Variants in COLEC10 observed in about 807,000 individuals in gnomAD.
The protein encoded by COLEC10 is collectin subfamily member 10, also known as collectin-10.
In COLEC10, 22 loss-of-function variants were observed where a neutral mutation model predicts 28.4. The observed-to-expected ratio is 0.78, with a 90% CI of 0.55 to 1.11. COLEC10 has a LOEUF of 1.11. Ranked by LOEUF, COLEC10 falls within the 50% of genes least tolerant of loss-of-function variation. The pLI is 0.00. For missense variants in COLEC10, 361 were observed against 344.1 expected (o/e 1.05, Z -0.39); for synonymous variants, 125 against 116.1 (o/e 1.08, Z -0.49).
At chr8:118,966,637 G>A in the COLEC10 span, among the ~76,000 whole-genome samples, 2 of 151,332 alleles carry the variant, frequency 1.3e-5, no homozygotes, top group Middle Eastern at 3.4e-3. Flanking sequence ...AAAAGTTGTA[G>A]ATTAATTCCC....
In COLEC10 at chr8:118,998,294, A is replaced by G. The variant is rs62532192; in HGVS notation, n.122+2721A>G. ...AATATTTCAATTATTCCCAATGTGG[A>G]TAAACTTAAACTCTATGTATGAATT... On this transcript the variant is annotated intron_variant and non_coding_transcript_variant, in intron 1 of 6. Transcript: ENST00000521788. 8.4e-3 allele frequency among the ~76,000 whole-genome samples: 1,283 copies of G among 152,238 alleles called. 6 individuals carry two copies. Among genetic ancestry groups the G allele is most frequent in the Non-Finnish European group, 0.013 (881 of 68,028 alleles).
chr8:119,044,355 C>T (rs867467708), intron 2 of COLEC10, among the ~76,000 whole-genome samples: 5 of 152,158 alleles, frequency 3.3e-5, no homozygotes, highest in African/African-American at 1.2e-4. Context: ...GCGGGTAACA[C>T]TATGTACTTG....
At chr8:119,069,629 A>AAAAAAAATATATATATATATAT (rs1554627284) in intron 1 of COLEC10, among the ~76,000 whole-genome samples, 4 of 42,882 alleles carry the variant, frequency 9.3e-5, no homozygotes, top group Non-Finnish European at 1.3e-4. Context: ...AAAAAAAAAA[A>AAAAAAAATATATATATATATAT]ATATATATAT....
chr8:119,021,514 G>A (rs1182242086), intron 2 of COLEC10, among the ~76,000 whole-genome samples: 1 of 152,148 alleles, frequency 6.6e-6, no homozygotes, highest in Non-Finnish European at 1.5e-5. Flanking sequence ...AGCTGGTAGA[G>A]GCCAAAGGCT....
chr8:118,958,926 C>T, the COLEC10 span, among the ~76,000 whole-genome samples: 5 of 152,172 alleles, frequency 3.3e-5, no homozygotes, highest in Non-Finnish European at 7.3e-5. Flanking sequence ...CAGCTCAGAT[C>T]TCAAGGCAGC....
the COLEC10 span, among the ~76,000 whole-genome samples, chr8:118,977,997 A>G: frequency 1.3e-5 from 2 of 151,958 alleles, no homozygotes; most frequent in Non-Finnish European, 2.9e-5. Flanking sequence ...TAGTTAGGGT[A>G]CTTAATAGAA....
At chr8:119,012,700 G>C (rs1275308093) in intron 2 of COLEC10, among the ~76,000 whole-genome samples, 1 of 150,546 alleles carries the variant, frequency 6.6e-6, no homozygotes, top group Non-Finnish European at 1.5e-5. Flanking sequence ...AGTTTTGGCA[G>C]ATTGTGTTTT....
chr8:119,016,539 C>A (rs1029855948), intron 2 of COLEC10, among the ~76,000 whole-genome samples: 4 of 152,052 alleles, frequency 2.6e-5, no homozygotes, highest in Non-Finnish European at 5.9e-5. Context: ...TGAGTATATA[C>A]CCAGTAATGG....
intron 2 of COLEC10, among the ~76,000 whole-genome samples, chr8:119,034,244 G>A (rs1374205888): frequency 6.6e-6 from 1 of 152,116 alleles, no homozygotes; most frequent in Admixed American, 6.5e-5. Context: ...ACCTATTGGA[G>A]GATGGGGGGT....
the COLEC10 span, among the ~76,000 whole-genome samples, chr8:118,963,040 A>C: frequency 6.6e-6 from 1 of 152,164 alleles, no homozygotes; most frequent in Non-Finnish European, 1.5e-5. Context: ...GAGGGTGTGA[A>C]AGAAAAACAC....
chr8:119,096,314 A>T (rs1815715782), intron 3 of COLEC10, among the ~76,000 whole-genome samples: 1 of 152,236 alleles, frequency 6.6e-6, no homozygotes, highest in African/African-American at 2.4e-5. Flanking sequence ...ACTTCTGGCC[A>T]GGTACAGTAG....
chr8:119,064,734 T>C (rs998854596), upstream of COLEC10, among the ~76,000 whole-genome samples: 3 of 152,202 alleles, frequency 2.0e-5, no homozygotes, highest in Non-Finnish European at 4.4e-5. Flanking sequence ...TGCTTGAGAA[T>C]GTTCATCTTT....
intron 1 of COLEC10, among the ~76,000 whole-genome samples, chr8:119,004,256 A>G (rs1179549128): frequency 6.6e-6 from 1 of 151,990 alleles, no homozygotes; most frequent in Non-Finnish European, 1.5e-5. Flanking sequence ...TATTTTAGCT[A>G]TTCCAACTAT....
chr8:118,962,598 T>C, the COLEC10 span, among the ~76,000 whole-genome samples: 6 of 152,216 alleles, frequency 3.9e-5, no homozygotes, highest in Admixed American at 3.9e-4. Flanking sequence ...TTCTTTGTTT[T>C]TGTTTTTGTG....
the COLEC10 span, among the ~76,000 whole-genome samples, chr8:118,976,360 G>C: frequency 6.6e-6 from 1 of 152,112 alleles, no homozygotes; most frequent in South Asian, 2.1e-4. Context: ...TGACATATGT[G>C]TTTTCATATG....
rs374192921 is a variant in COLEC10, at chr8:119,044,189, G to T, written n.235+34636G>T. Among the ~76,000 whole-genome samples the T allele has an allele frequency of 6.6e-5, 10 of 152,280 alleles. No individual in the cohort carries two copies. In the East Asian group the frequency reaches 1.4e-3, roughly 21 times the overall value. The stretch of plus-strand genomic sequence containing the variant: ...CTTTCAAAAATGTGCTGGTTTGGAG[G>T]TTTATATATGGTCACCCTAATTAAC... On this transcript the variant is annotated intron_variant and non_coding_transcript_variant, in intron 2 of 6. Transcript: ENST00000521788.
intron 2 of COLEC10, among the ~76,000 whole-genome samples, chr8:119,053,201 G>A (rs867149577): frequency 2.0e-5 from 3 of 152,086 alleles, no homozygotes; most frequent in Admixed American, 2.0e-4. Flanking sequence ...CGTAAAAGGG[G>A]GGACTATGTT....
Position 119,103,818 on chromosome 8 carries a change from G to T in COLEC10, c.365G>T (p.Gly122Val), listed in dbSNP as rs748141192. 1.9e-6 allele frequency: 3 copies of T among 1,611,466 alleles called. No homozygotes were observed. The East Asian group carries it at 6.7e-5, about 36-fold the overall frequency. Residue 122 changes from glycine (G) to valine (V), a missense_variant, in exon 5 of 6, where the codon GGA (glycine) becomes GTA (valine). Coordinates refer to ENST00000332843, the MANE Select transcript of COLEC10 (RefSeq NM_006438.5). The stretch of plus-strand genomic sequence containing the variant: ...TTAAAAGGTACTGTCTGTGATTGTG[G>T]AAGATACCGGAAATTTGTTGGACAA... Reference protein sequence around the residue: ...KGKAGTVCDCGRYRKFVGQLD... With the variant: ...KGKAGTVCDCVRYRKFVGQLD...
In COLEC10 at chr8:118,998,097, T is replaced by C. The variant is rs139036726; in HGVS notation, n.122+2524T>C. On this transcript the variant is annotated intron_variant and non_coding_transcript_variant, in intron 1 of 6. Transcript: ENST00000521788. ...ATTTTGAACAGCAAATTAACCTCAG[T>C]ATTTTCATCTATAAAATAAAAATTA... 3.1e-3 allele frequency among the ~76,000 whole-genome samples: 473 copies of C among 152,318 alleles called. 1 individual carries two copies. The highest frequency in any genetic ancestry group is 0.011 in the African/African-American group (441 of 41,580).
Sources: gnomAD v4.1 joint callset for allele counts (sites outside exome capture counted in the v4.1 genomes callset) on GRCh38, gnomAD v4.1.1 for gene constraint, MANE v1.5 for transcripts, NCBI Gene and HGNC (gene_info 2026-07-23, HGNC 2026-07-21) for gene names.